SORCS1: variants seen among roughly 807,000 people sequenced by gnomAD.
SORCS1 encodes the protein sortilin related VPS10 domain containing receptor 1, also known as VPS10 domain-containing receptor SorCS1.
Under a neutral mutation model 146.1 loss-of-function variants are expected in SORCS1, and 60 were observed. The observed-to-expected ratio is 0.41, with a 90% CI of 0.33 to 0.51. The LOEUF (loss-of-function observed/expected upper bound fraction) is 0.51, where lower values mean the gene tolerates loss of function less well. Ranked by LOEUF, SORCS1 falls within the 20% of genes least tolerant of loss-of-function variation. The probability of loss-of-function intolerance (pLI) is 0.21; values close to 1 mark genes in which losing one functional copy is unlikely to be tolerated. For synonymous variants in SORCS1, 637 were observed against 584.0 expected, an observed-to-expected ratio of 1.09 and a Z score of -1.31; for missense variants, 1,352 against 1,487.6, an observed-to-expected ratio of 0.91 and a Z score of 1.50.
intron 1 of SORCS1, among the ~76,000 whole-genome samples, chr10:107,064,858 C>A (rs772929333): frequency 6.6e-6 from 1 of 152,132 alleles, no homozygotes; most frequent in African/African-American, 2.4e-5. Flanking sequence ...AAGACAACCA[C>A]GAAGGGTAGT....
In SORCS1 at chr10:106,657,577, C is replaced by G. The variant is rs148475658; in HGVS notation, c.2304-5024G>C. ...TCACTACACAATCCATCCATGTAAC[C>G]GAAGACCACTTGTACTCCAAAAGGT... On this transcript the variant is annotated intron_variant, in intron 17 of 25. Coordinates refer to ENST00000263054, the MANE Select transcript of SORCS1 (RefSeq NM_052918.5). 6.3e-3 allele frequency among the ~76,000 whole-genome samples: 955 copies of G among 150,954 alleles called. 15 individuals are homozygous for G. Among genetic ancestry groups the G allele is most frequent in the African/African-American group, 0.022 (905 of 41,112 alleles).
intron 6 of SORCS1, among the ~76,000 whole-genome samples, chr10:106,719,734 T>G (rs533409098): frequency 6.6e-6 from 1 of 152,292 alleles, no homozygotes; most frequent in African/African-American, 2.4e-5. Context: ...TCTTGATTAT[T>G]TTTATCACCC....
chr10:106,622,068 G>A (rs550252736), intron 19 of SORCS1, among the ~76,000 whole-genome samples: 122 of 152,116 alleles, frequency 8.0e-4, no homozygotes, highest in East Asian at 5.8e-4. Context: ...GAGTTGGGTG[G>A]ATCATGAGGT....
intron 1 of SORCS1, among the ~76,000 whole-genome samples, chr10:106,976,158 C>A (rs1955989687): frequency 6.7e-6 from 1 of 148,450 alleles, no homozygotes; most frequent in Non-Finnish European, 1.5e-5. Flanking sequence ...AAAGCCATCT[C>A]CTCCATGAAG....
intron 2 of SORCS1, among the ~76,000 whole-genome samples, chr10:106,917,236 T>C (rs1952489293): frequency 6.6e-6 from 1 of 152,196 alleles, no homozygotes. Context: ...TTTGAGTTTC[T>C]TTTTTTAACA....
intron 2 of SORCS1, among the ~76,000 whole-genome samples, chr10:106,850,575 C>G (rs1039019924): frequency 3.9e-5 from 6 of 152,118 alleles, no homozygotes; most frequent in Non-Finnish European, 8.8e-5. Context: ...AGCTGTAGAC[C>G]GGAGCTGTTC....
chr10:107,138,371 C>T (rs1368327891), intron 1 of SORCS1, among the ~76,000 whole-genome samples: 3 of 152,176 alleles, frequency 2.0e-5, no homozygotes, highest in East Asian at 1.9e-4. Flanking sequence ...TTATTCTTTA[C>T]GAGGATCTAT....
At chr10:106,612,655 T>C (rs1241814990) in intron 21 of SORCS1, among the ~76,000 whole-genome samples, 1 of 152,032 alleles carries the variant, frequency 6.6e-6, no homozygotes. Flanking sequence ...GGAATTGCCA[T>C]GTTTGGTTGG....
intron 1 of SORCS1, among the ~76,000 whole-genome samples, chr10:106,972,619 T>C (rs1955835898): frequency 6.6e-6 from 1 of 151,654 alleles, no homozygotes; most frequent in Non-Finnish European, 1.5e-5. Context: ...ACAGTCTGAG[T>C]CCAAAGCTCA....
chr10:107,111,376 TAAAG>T (rs1159184978), intron 1 of SORCS1, among the ~76,000 whole-genome samples: 2 of 152,016 alleles, frequency 1.3e-5, no homozygotes, highest in East Asian at 1.9e-4. Context: ...TAAACCATAA[TAAAG>T]AATCAAACAG....
intron 1 of SORCS1, among the ~76,000 whole-genome samples, chr10:107,141,822 G>A (rs1288243243): frequency 6.6e-6 from 1 of 152,226 alleles, no homozygotes; most frequent in Non-Finnish European, 1.5e-5. Flanking sequence ...ACTATGCTGA[G>A]GCAGCAGAGT....
intron 3 of SORCS1, among the ~76,000 whole-genome samples, chr10:106,811,553 T>A (rs545249482): frequency 6.6e-6 from 1 of 152,182 alleles, no homozygotes; most frequent in Admixed American, 6.5e-5. Flanking sequence ...GCTCTCTAGA[T>A]GATTTTCATA....
intron 1 of SORCS1, among the ~76,000 whole-genome samples, chr10:106,994,037 C>T (rs1956884336): frequency 8.2e-6 from 1 of 122,390 alleles, no homozygotes; most frequent in East Asian, 2.6e-4. Flanking sequence ...GCACTCCAGC[C>T]TGGGTGACAG....
intron 1 of SORCS1, among the ~76,000 whole-genome samples, chr10:107,094,284 A>T (rs774786690): frequency 2.6e-5 from 4 of 152,182 alleles, no homozygotes; most frequent in Admixed American, 1.3e-4. Flanking sequence ...ATTCTAAGAA[A>T]CATCCTTCAA....
intron 1 of SORCS1, among the ~76,000 whole-genome samples, chr10:106,962,394 CAAAAAA>C (rs60616146): frequency 2.2e-4 from 14 of 62,592 alleles, no homozygotes; most frequent in Non-Finnish European, 2.5e-4. Flanking sequence ...AACTCCATCT[CAAAAAA>C]AAAAAAAAAA....
intron 1 of SORCS1, among the ~76,000 whole-genome samples, chr10:107,131,925 C>A (rs1197497619): frequency 6.6e-6 from 1 of 152,086 alleles, no homozygotes; most frequent in Non-Finnish European, 1.5e-5. Flanking sequence ...TGTCCACTGC[C>A]CTTAGCCTCC....
chr10:106,753,070 C>G (rs1054022391), intron 5 of SORCS1, among the ~76,000 whole-genome samples: 3 of 150,648 alleles, frequency 2.0e-5, no homozygotes, highest in Non-Finnish European at 4.4e-5. Flanking sequence ...GGCAGAGTAT[C>G]TTGGAAAAAA....
At chr10:107,140,344 T>C (rs935516730) in intron 1 of SORCS1, among the ~76,000 whole-genome samples, 27 of 152,226 alleles carry the variant, frequency 1.8e-4, no homozygotes, top group African/African-American at 5.8e-4. Flanking sequence ...TTGTTAAAAT[T>C]CAAACTTCTA....
At chr10:106,767,951 T>C (rs1859706324) in intron 4 of SORCS1, among the ~76,000 whole-genome samples, 1 of 152,254 alleles carries the variant, frequency 6.6e-6, no homozygotes, top group South Asian at 2.1e-4. Flanking sequence ...TTTTAAAATG[T>C]TCATTTCTCC....
Sources: gnomAD v4.1 joint callset for allele counts (sites outside exome capture counted in the v4.1 genomes callset) on GRCh38, gnomAD v4.1.1 for gene constraint, MANE v1.5 for transcripts, NCBI Gene and HGNC (gene_info 2026-07-23, HGNC 2026-07-21) for gene names.